The following DENND5A variants were observed in gnomAD, a reference collection of about 807,000 sequenced individuals.
DENND5A encodes DENN domain containing 5A, also known as DENN domain-containing protein 5A.
Under a neutral mutation model 140.3 loss-of-function variants are expected in DENND5A, and 64 were observed. That is an observed-to-expected ratio of 0.46 (90% CI 0.37 to 0.56). DENND5A has a LOEUF of 0.56. Among genes scored for constraint, DENND5A ranks in the 20% least tolerant of loss-of-function variants. The pLI, the probability that DENND5A is intolerant of heterozygous loss-of-function variation, is 0.00. For synonymous variants in DENND5A, 605 were observed against 607.7 expected, an observed-to-expected ratio of 1.00 and a Z score of 0.07; for missense variants, 1,292 against 1,593.8, an observed-to-expected ratio of 0.81 and a Z score of 3.22.
At chr11:9,193,383 C>A in intron 5 of DENND5A, 111 bp downstream of exon 5, 1 of 852,962 alleles carries the variant, frequency 1.2e-6, no homozygotes, top group Non-Finnish European at 1.7e-6. Flanking sequence ...TCATAATCAC[C>A]AAAATAGAAG....
chr11:9,167,877 TC>T (rs1258264757), intron 10 of DENND5A, among the ~76,000 whole-genome samples: 13 of 152,148 alleles, frequency 8.5e-5, no homozygotes, highest in African/African-American at 3.1e-4. Context: ...CTCTTCCAAA[TC>T]ATCTTGTTTG....
In DENND5A at chr11:9,180,920, C is replaced by T; in HGVS notation, c.1302G>A (p.Lys434=). The change falls in exon 6 of 23, where the codon AAG becomes AAA. Residue 434 remains lysine (K), a synonymous_variant. Transcript: ENST00000328194. ...GNLHCSESAS[K]LKRLRASELV... ...GCTCAGAGGCCCGCAGCCTCTTCAG[C>T]TTGGAGGCACTCTCACTGCAATGAA... is the stretch of plus-strand genomic sequence containing the variant. 6.2e-7 allele frequency: 1 copy of T among 1,614,194 alleles called. No individual in the cohort carries two copies. The highest frequency in any genetic ancestry group is 1.1e-5 in the South Asian group (1 of 91,082).
rs903564800 is a variant in DENND5A, at chr11:9,178,150, T to C, written c.1888A>G (p.Thr630Ala). The change falls in exon 8 of 23, where the codon ACC (threonine) becomes GCC (alanine). Residue 630 changes from threonine to alanine, a missense_variant. This residue lies in a region of DENND5A where 199 missense variants were observed against 189.1 expected (regional missense o/e 1.05). Coordinates refer to ENST00000328194, the MANE Select transcript of DENND5A (RefSeq NM_015213.4). ...TLRTSMYQKC[T>A]TVDEAEKAIE... ...GCCTTACCTGCTTCATCCACAGTGG[T>C]ACACTTCTGGTACATGGATGTACGG... 3 of 1,613,650 alleles carry C rather than the reference T, an allele frequency of 1.9e-6. No individual in the cohort carries two copies. The highest frequency in any genetic ancestry group is 2.5e-6 in the Non-Finnish European group (3 of 1,179,502).
chr11:9,165,367 G>A (rs1363626244), intron 11 of DENND5A, among the ~76,000 whole-genome samples: 3 of 151,766 alleles, frequency 2.0e-5, no homozygotes, highest in African/African-American at 4.8e-5. Context: ...CTCAATTAAT[G>A]GTATATTTTA....
At chr11:9,140,260 G>T in intron 22 of DENND5A, 1 of 1,258,286 alleles carries the variant, frequency 7.9e-7, no homozygotes, top group Non-Finnish European at 1.0e-6. Context: ...TGTGATATGA[G>T]GTAGGTACTA....
At position 9,150,781 on chromosome 11, in the gene DENND5A, G is replaced by A; in HGVS notation, c.2522-17C>T. ...GAAGTATTCCTAGAATAAACAAGTT[G>A]GTCATGTCCAAAGAGATCTGAATAT... is the stretch of plus-strand genomic sequence containing the variant. On this transcript the variant is annotated splice_polypyrimidine_tract_variant and intron_variant, in intron 13 of 22. Coordinates refer to ENST00000328194, the MANE Select transcript of DENND5A (RefSeq NM_015213.4). 6.3e-7 allele frequency: 1 copy of A among 1,574,954 alleles called. No individual in the cohort carries two copies. The highest frequency in any genetic ancestry group is 1.1e-5 in the South Asian group (1 of 89,828).
intron 1 of DENND5A, among the ~76,000 whole-genome samples, chr11:9,240,759 G>A (rs1851203208): frequency 6.6e-6 from 1 of 151,774 alleles, no homozygotes; most frequent in Non-Finnish European, 1.5e-5. Context: ...CCTTGTTTCA[G>A]TGTGCCTGCC....
chr11:9,221,181 A>G (rs1247151568), intron 1 of DENND5A, among the ~76,000 whole-genome samples: 1 of 152,060 alleles, frequency 6.6e-6, no homozygotes, highest in African/African-American at 2.4e-5. Context: ...CTGTAATCCT[A>G]GCACTTTGGG....
In DENND5A at chr11:9,143,239, G is replaced by A. The variant is rs1847308248; in HGVS notation, c.3387+164C>T. ...TAACCTGAGGCAAAGGCCCCCAGAG[G>A]AAGGAGTCTGCTCCATCTCCAACTA... On this transcript the variant is annotated intron_variant, in intron 20 of 22. Transcript: ENST00000328194. The A allele has an allele frequency of 5.6e-6, 4 of 714,098 alleles. No individual in the cohort carries two copies. The African/African-American group carries it at 7.0e-5, about 12-fold the overall frequency. The allele number at this position is 714,098 out of a possible 1,614,324, so 44.2% of individuals were successfully genotyped here.
intron 15 of DENND5A, 75 bp from the exon 16 acceptor site, chr11:9,147,226 G>A (rs1564880968): frequency 6.6e-7 from 1 of 1,517,926 alleles, no homozygotes; most frequent in Non-Finnish European, 9.1e-7. Flanking sequence ...AGTTCTGGAA[G>A]GAGACAGCTA....
chr11:9,244,611 C>A (rs575638839), intron 1 of DENND5A, among the ~76,000 whole-genome samples: 1 of 152,188 alleles, frequency 6.6e-6, no homozygotes, highest in Non-Finnish European at 1.5e-5. Context: ...TCGGGTGATC[C>A]GCCCGCTTCG....
At chr11:9,199,935 C>G (rs995828777) in intron 4 of DENND5A, among the ~76,000 whole-genome samples, 5 of 152,194 alleles carry the variant, frequency 3.3e-5, no homozygotes, top group Non-Finnish European at 5.9e-5. Context: ...CCACTGTGGC[C>G]TCAGCCAGGC....
intron 1 of DENND5A, among the ~76,000 whole-genome samples, chr11:9,241,182 T>C (rs1458650220): frequency 6.6e-6 from 1 of 152,190 alleles, no homozygotes; most frequent in Non-Finnish European, 1.5e-5. Flanking sequence ...ATTCGGGTAC[T>C]GAACTTAAAG....
intron 8 of DENND5A, 35 bp downstream of exon 8, chr11:9,178,097 A>G (rs1848604527): frequency 1.4e-6 from 2 of 1,398,560 alleles, no homozygotes; most frequent in Non-Finnish European, 1.0e-6. Flanking sequence ...CCATAATCCA[A>G]GAGGCCTGAA....
intron 1 of DENND5A, among the ~76,000 whole-genome samples, chr11:9,220,945 A>G (rs2873069): frequency 0.42 from 62,812 of 150,744 alleles, 13,580 homozygotes; most frequent in South Asian, 0.6. Context: ...AGCCAGGCAT[A>G]GTGGCGGGTG....
At chr11:9,264,598 C>T (rs1590357768) in intron 1 of DENND5A, among the ~76,000 whole-genome samples, 1 of 152,110 alleles carries the variant, frequency 6.6e-6, no homozygotes, top group Admixed American at 6.6e-5. Context: ...CTGGGTGGAA[C>T]TTACTTTCAC....
intron 1 of DENND5A, among the ~76,000 whole-genome samples, chr11:9,220,057 T>G (rs1252737610): frequency 2.6e-5 from 4 of 152,200 alleles, no homozygotes; most frequent in Admixed American, 2.0e-4. Context: ...AGATTGGTTT[T>G]GTTTTGTTTT....
At chr11:9,175,271 A>C (rs1277637407) in intron 8 of DENND5A, 1 of 152,174 alleles carries the variant, frequency 6.6e-6, no homozygotes, top group African/African-American at 2.4e-5. Context: ...AAAAAATATG[A>C]ACTACTTAGG....
At chr11:9,261,777 CAAAAAAAA>C (rs10651988) in intron 1 of DENND5A, among the ~76,000 whole-genome samples, 1 of 89,822 alleles carries the variant, frequency 1.1e-5, no homozygotes, top group Admixed American at 1.4e-4. Flanking sequence ...GACTGTGTCT[CAAAAAAAA>C]AAAAAAAAAA....
Sources: gnomAD v4.1 joint callset for allele counts (sites outside exome capture counted in the v4.1 genomes callset) on GRCh38, gnomAD v4.1.1 for gene constraint, gnomAD v4.1.1 regional missense constraint, MANE v1.5 for transcripts, NCBI Gene and HGNC (gene_info 2026-07-23, HGNC 2026-07-21) for gene names.